The following CUL2 variants were observed in gnomAD, a reference collection of about 807,000 sequenced individuals.
CUL2 encodes the protein cullin-2.
CUL2 carries 22 observed loss-of-function variants against 110.2 expected under a neutral mutation model. The ratio of observed to expected loss-of-function variants is 0.20; its 90% CI spans 0.14 to 0.28. The LOEUF (loss-of-function observed/expected upper bound fraction) is 0.28. CUL2 is among the 10% of genes least tolerant of loss of function. The pLI is 1.00. For missense variants in CUL2, 631 were observed against 905.5 expected (o/e 0.70, Z 3.89); for synonymous variants, 279 against 293.2 (o/e 0.95, Z 0.49).
chr10:35,019,390 C>G (rs1685252367), intron 17 of CUL2, among the ~76,000 whole-genome samples: 1 of 152,138 alleles, frequency 6.6e-6, no homozygotes, highest in South Asian at 2.1e-4. Context: ...TTTCAATACT[C>G]TACCAGGGAT....
At chr10:35,017,874 TTAAAA>T (rs1281599903) in intron 17 of CUL2, among the ~76,000 whole-genome samples, 1 of 75,184 alleles carries the variant, frequency 1.3e-5, no homozygotes. Context: ...CCATACGTGT[TTAAAA>T]AAAAAAAAAA....
intron 8 of CUL2, 116 bp from the exon 9 acceptor site, chr10:35,039,198 A>C: frequency 1.8e-6 from 1 of 565,636 alleles, no homozygotes; most frequent in Non-Finnish European, 2.9e-6. Flanking sequence ...TGGCAAAGGT[A>C]ATAAGGGTTA....
intron 1 of CUL2, chr10:35,120,129 C>T (rs900084551): frequency 6.6e-6 from 1 of 152,272 alleles, no homozygotes; most frequent in South Asian, 2.1e-4. Context: ...TTTAAATGAT[C>T]ATTTCCAAAT....
intron 8 of CUL2, 122 bp from the exon 9 acceptor site, chr10:35,039,204 G>T: frequency 3.9e-6 from 2 of 518,132 alleles, no homozygotes; most frequent in Non-Finnish European, 3.3e-6. Context: ...AGGTAATAAG[G>T]GTTACATAAG....
chr10:35,096,642 G>A (rs2087304118), intron 2 of CUL2, among the ~76,000 whole-genome samples: 1 of 151,756 alleles, frequency 6.6e-6, no homozygotes, highest in African/African-American at 2.4e-5. Flanking sequence ...AACTGTATAG[G>A]TTAAGAAAGT....
upstream of CUL2, chr10:35,126,926 T>G (rs1004298431): frequency 6.6e-6 from 1 of 151,702 alleles, no homozygotes; most frequent in Non-Finnish European, 1.5e-5. Context: ...CCTCGGGGCC[T>G]CCCCCGGGAG....
At chr10:35,113,498 C>CAAAAAAAAAAAAAAAAAAAAAAAAAAA in intron 1 of CUL2, among the ~76,000 whole-genome samples, 1 of 33,308 alleles carries the variant, frequency 3.0e-5, no homozygotes, top group Non-Finnish European at 5.3e-5. Flanking sequence ...GACTCTGCCT[C>CAAAAAAAAAAAAAAAAAAAAAAAAAAA]AAAAAAAAAA....
chr10:35,039,482 T>C (rs530254254), intron 8 of CUL2, among the ~76,000 whole-genome samples: 1 of 152,350 alleles, frequency 6.6e-6, no homozygotes, highest in South Asian at 2.1e-4. Flanking sequence ...AGTAGATGAA[T>C]CTAATTATTT....
chr10:35,071,161 A>G (rs1240658237), intron 2 of CUL2, 38 bp downstream of exon 2: 7 of 1,596,080 alleles, frequency 4.4e-6, no homozygotes, highest in East Asian at 2.2e-5. Context: ...AAATTTATCA[A>G]TTTTAGAACA....
intron 11 of CUL2, among the ~76,000 whole-genome samples, chr10:35,032,822 CAT>C (rs1177533791): frequency 2.6e-5 from 4 of 151,800 alleles, no homozygotes; most frequent in African/African-American, 9.7e-5. Context: ...TCATGTAAAA[CAT>C]ATCTATTCTC....
chr10:35,050,610 C>G (rs530604730), intron 5 of CUL2, among the ~76,000 whole-genome samples: 20 of 152,310 alleles, frequency 1.3e-4, no homozygotes, highest in African/African-American at 4.8e-4. Context: ...CAGGTTATTA[C>G]AATCCACAAT....
At chr10:35,051,327 A>G (rs2086102832) in intron 5 of CUL2, among the ~76,000 whole-genome samples, 1 of 128,582 alleles carries the variant, frequency 7.8e-6, no homozygotes, top group South Asian at 2.6e-4. Context: ...AAAAGAAAAA[A>G]AACCGGCCAG....
intron 1 of CUL2, among the ~76,000 whole-genome samples, chr10:35,121,097 G>A (rs72791807): frequency 3.7e-4 from 57 of 152,248 alleles, no homozygotes; most frequent in Non-Finnish European, 6.6e-4. Context: ...GCTACTTAAC[G>A]CATTCCCCAT....
chr10:35,025,331 T>G, intron 16 of CUL2, 133 bp from the exon 17 acceptor site: 2 of 1,281,098 alleles, frequency 1.6e-6, no homozygotes, highest in Non-Finnish European at 2.0e-6. Context: ...GTTTACCTCC[T>G]TCTTTTACAG....
chr10:35,063,027 G>C lies in CUL2; in HGVS notation c.155C>G (p.Pro52Arg). ...IYALCVAYPE[P>R]LGERLYTETK... Reference sequence around the variant, plus strand: ...TTCTGTATAAAGTCTTTCTCCAAGGGGTTCAGGATAGGCCACACATAAAGC... The same window carrying C: ...TTCTGTATAAAGTCTTTCTCCAAGGCGTTCAGGATAGGCCACACATAAAGC... Residue 52 changes from proline to arginine, a missense_variant, in exon 3 of 21, where the codon CCC becomes CGC. By Grantham distance (103) the Pro-to-Arg change is moderately radical (BLOSUM62 -2). Transcript: ENST00000374749. 1 of 1,609,990 alleles carries C rather than the reference G, an allele frequency of 6.2e-7. No individual in the cohort carries two copies. Among genetic ancestry groups the C allele is most frequent in the Non-Finnish European group, 8.5e-7 (1 of 1,176,820 alleles).
At chr10:35,037,627 C>T (rs112540516) in intron 9 of CUL2, among the ~76,000 whole-genome samples, 4,116 of 151,796 alleles carry the variant, frequency 0.027, 187 homozygotes, top group African/African-American at 0.094. Flanking sequence ...AGGTGGATCA[C>T]GAGCTCAGGA....
intron 1 of CUL2, among the ~76,000 whole-genome samples, chr10:35,073,025 C>T (rs773607344): frequency 3.9e-5 from 6 of 152,078 alleles, no homozygotes; most frequent in Non-Finnish European, 5.9e-5. Flanking sequence ...CCACCAGCCA[C>T]GGACTGGGAG....
intron 16 of CUL2, 85 bp from the exon 17 acceptor site, chr10:35,025,283 A>C (rs533891348): frequency 7.0e-7 from 1 of 1,434,774 alleles, no homozygotes; most frequent in East Asian, 2.6e-5. Flanking sequence ...AAAGCAATGA[A>C]AACCATTCAT....
chr10:35,029,449 A>AT, intron 15 of CUL2, 39 bp downstream of exon 15: 1 of 1,334,326 alleles, frequency 7.5e-7, no homozygotes, highest in Non-Finnish European at 1.0e-6. Context: ...ACGTACTGAA[A>AT]TGATTAGTAA....
Sources: gnomAD v4.1 joint callset for allele counts (sites outside exome capture counted in the v4.1 genomes callset) on GRCh38, gnomAD v4.1.1 for gene constraint, MANE v1.5 for transcripts, NCBI Gene and HGNC (gene_info 2026-07-23, HGNC 2026-07-21) for gene names.